Variants in CARS2 observed in about 807,000 individuals in gnomAD.
The protein encoded by CARS2 is probable cysteine--tRNA ligase, mitochondrial.
A neutral mutation model predicts 68.8 loss-of-function variants in CARS2; 52 were observed. That is an observed-to-expected ratio of 0.76 (90% CI 0.61 to 0.95). The LOEUF (loss-of-function observed/expected upper bound fraction) is 0.95, where lower values mean the gene tolerates loss of function less well. CARS2 is among the 40% of genes least tolerant of loss of function. CARS2 has a pLI of 0.00. For missense variants in CARS2, 780 were observed against 754.2 expected (o/e 1.03, Z -0.40); for synonymous variants, 314 against 303.6 (o/e 1.03, Z -0.36).
chr13:110,647,120 C>A lies in CARS2; in HGVS notation c.1174G>T (p.Glu392Ter). 6.3e-7 allele frequency: 1 copy of A among 1,598,436 alleles called. No homozygotes were observed. The highest frequency in any genetic ancestry group is 8.5e-7 in the Non-Finnish European group (1 of 1,172,804). ...KGQLACGSVR[E>*]AMLWERLSST... ...TCTTACCTCTCCCACAGCATCGCTT[C>A]CCTGACGGAGCCGCAGGCCAGCTGC... is the stretch of plus-strand genomic sequence containing the variant. The change falls in exon 11 of 15, where the codon GAA becomes TAA. Residue 392 changes from glutamate (E) to a stop codon, truncating the protein, a stop_gained. Transcript: ENST00000257347. LOFTEE classifies it high-confidence loss of function.
In CARS2 at chr13:110,676,350, G is replaced by A. The variant is rs1373267712; in HGVS notation, c.785+624C>T. Among the ~76,000 whole-genome samples, 3 of 152,190 alleles carry A rather than the reference G, an allele frequency of 2.0e-5. No homozygotes were observed. The highest frequency in any genetic ancestry group is 4.4e-5 in the Non-Finnish European group (3 of 68,034). On this transcript the variant is annotated intron_variant, in intron 7 of 14. Coordinates refer to ENST00000257347, the MANE Select transcript of CARS2 (RefSeq NM_024537.4). This position sits in a 1 kb window ranked among gnomAD's most constrained non-coding sequence, Gnocchi z 4.0. ...GAAGGCGGAGAAAGCTCTACTGAGA[G>A]GCAGAAACCAGGACAGAGAGGGTGT...
intron 8 of CARS2, chr13:110,666,871 G>T (rs2062662553): frequency 1.0e-6 from 1 of 985,280 alleles, no homozygotes; most frequent in Non-Finnish European, 1.2e-6. Flanking sequence ...TTCCAAAACT[G>T]CTGGGTTCGA....
At chr13:110,643,201 CT>C in intron 13 of CARS2, 1 of 179,312 alleles carries the variant, frequency 5.6e-6, no homozygotes, top group Non-Finnish European at 1.2e-5. Context: ...GACATTGGGC[CT>C]TGCGGCCAGA....
chr13:110,647,325 C>T, intron 10 of CARS2, 86 bp from the exon 11 acceptor site: 2 of 1,497,972 alleles, frequency 1.3e-6, no homozygotes, highest in South Asian at 1.2e-5. Context: ...TTTCTGAGGG[C>T]ACTGCCACCC....
At position 110,666,139 on chromosome 13, in the gene CARS2, C is replaced by G. The variant is rs9588233; in HGVS notation, c.919+1201G>C. On this transcript the variant is annotated intron_variant, in intron 8 of 14. Transcript: ENST00000257347. ...CCCATGGTCAAAAGTGGAGTGCAGG[C>G]CCCCGGCTGTGGAAATCAGTGCTCG... is the stretch of plus-strand genomic sequence containing the variant. 7,285 of 985,252 alleles carry G rather than the reference C, an allele frequency of 7.4e-3. 426 individuals carry two copies. The African/African-American group carries it at 0.12, about 16-fold the overall frequency. 61.0% of individuals were successfully genotyped at this position (985,252 alleles called of 1,614,324 possible). A position where few individuals can be genotyped will look rare whatever the true frequency, so the allele number is the denominator to read the frequency against.
Position 110,683,124 on chromosome 13 carries a change from G to A in CARS2, c.582C>T (p.Tyr194=), listed in dbSNP as rs1011442343. 13 of 1,594,360 alleles carry A rather than the reference G, an allele frequency of 8.2e-6. No individual in the cohort carries two copies. The African/African-American group carries it at 9.5e-5, about 12-fold the overall frequency. Residue 194 remains tyrosine, a synonymous_variant, in exon 6 of 15, where the codon TAC becomes TAT. Coordinates refer to ENST00000257347, the MANE Select transcript of CARS2 (RefSeq NM_024537.4). ...NAYSTAKGNV[Y]FDLKSRGDKY... Reference sequence around the variant, plus strand: ...TGTCTCCTCTAGACTTCAGATCGAAGTAGACATTGCCTGTTTATAAAGACA... The same window carrying A: ...TGTCTCCTCTAGACTTCAGATCGAAATAGACATTGCCTGTTTATAAAGACA...
At chr13:110,703,135 C>G (rs1378839147) in intron 2 of CARS2, among the ~76,000 whole-genome samples, 5 of 152,194 alleles carry the variant, frequency 3.3e-5, no homozygotes, top group African/African-American at 1.2e-4. Context: ...GGTTTCCATC[C>G]CTCTGACCTC....
At chr13:110,701,389 G>A (rs757770377) in intron 3 of CARS2, 49 bp downstream of exon 3, 42 of 912,698 alleles carry the variant, frequency 4.6e-5, no homozygotes, top group Admixed American at 8.6e-5. Context: ...GAAGGGCTCA[G>A]AACACTAATC....
chr13:110,679,826 G>T (rs1199013787), intron 6 of CARS2, among the ~76,000 whole-genome samples: 1 of 152,164 alleles, frequency 6.6e-6, no homozygotes, highest in Non-Finnish European at 1.5e-5. Context: ...GAGTGTAAGG[G>T]ACTCGGGAGT....
intron 7 of CARS2, among the ~76,000 whole-genome samples, chr13:110,669,504 T>A (rs185270056): frequency 2.6e-5 from 4 of 152,344 alleles, no homozygotes; most frequent in East Asian, 3.9e-4. Flanking sequence ...TCTAATTTTT[T>A]AAAACTGTTT....
intron 10 of CARS2, among the ~76,000 whole-genome samples, chr13:110,649,712 G>A (rs1255507562): frequency 1.3e-5 from 2 of 152,156 alleles, no homozygotes; most frequent in African/African-American, 4.8e-5. Flanking sequence ...CAGGGCCTCG[G>A]CAGTGTCAAT....
At chr13:110,641,837 TC>T (rs1391820842) in intron 14 of CARS2, among the ~76,000 whole-genome samples, 1 of 152,130 alleles carries the variant, frequency 6.6e-6, no homozygotes, top group African/African-American at 2.4e-5. Flanking sequence ...GTGCTCAGCG[TC>T]CCCTGCAGCC....
intron 6 of CARS2, among the ~76,000 whole-genome samples, chr13:110,682,324 C>A (rs751918491): frequency 6.6e-6 from 1 of 152,242 alleles, no homozygotes; most frequent in Non-Finnish European, 1.5e-5. Context: ...ACGCCTCACA[C>A]GTGGCTGATG....
At chr13:110,649,818 C>T (rs758395564) in intron 10 of CARS2, among the ~76,000 whole-genome samples, 4 of 152,084 alleles carry the variant, frequency 2.6e-5, no homozygotes, top group African/African-American at 9.7e-5. Context: ...CCTGCTCCTG[C>T]AGCACTAGCC....
intron 8 of CARS2, chr13:110,664,617 C>T (rs1283044108): frequency 2.0e-6 from 2 of 980,186 alleles, no homozygotes; most frequent in South Asian, 4.7e-5. Flanking sequence ...AATGTGATTA[C>T]ACCAAGCACG....
intron 3 of CARS2, among the ~76,000 whole-genome samples, chr13:110,692,561 CT>C (rs34307243): frequency 0.47 from 62,826 of 132,326 alleles, 14,339 homozygotes; most frequent in Non-Finnish European, 0.59. Context: ...CCTATTCTTC[CT>C]TTTTTTTTTT....
At chr13:110,652,106 C>T (rs931349412) in intron 9 of CARS2, among the ~76,000 whole-genome samples, 3 of 152,276 alleles carry the variant, frequency 2.0e-5, no homozygotes, top group Admixed American at 6.5e-5. Context: ...CTGTCCACTG[C>T]GCAGGAAGCT....
chr13:110,679,911 G>A (rs2063108052), intron 6 of CARS2, among the ~76,000 whole-genome samples: 1 of 152,170 alleles, frequency 6.6e-6, no homozygotes, highest in Admixed American at 6.5e-5. Flanking sequence ...AACGGCATGT[G>A]CACTGAAGCC....
At chr13:110,689,955 G>A (rs1373591025) in intron 3 of CARS2, among the ~76,000 whole-genome samples, 4 of 152,192 alleles carry the variant, frequency 2.6e-5, no homozygotes, top group African/African-American at 9.6e-5. Flanking sequence ...GTGGCCGGGC[G>A]CGGTGGCTCA....
Sources: allele counts gnomAD v4.1 joint callset (sites outside exome capture counted in the v4.1 genomes callset), GRCh38; gene constraint gnomAD v4.1.1; non-coding constraint Gnocchi (gnomAD v3.1); transcripts MANE v1.5; gene names NCBI Gene and HGNC (gene_info 2026-07-23, HGNC 2026-07-21).